The following SEMA4D variants were observed in gnomAD, a reference collection of about 807,000 sequenced individuals.
SEMA4D encodes semaphorin-4D.
In SEMA4D, 22 loss-of-function variants were observed where a neutral mutation model predicts 74.8. The observed-to-expected ratio is 0.29, with a 90% CI of 0.21 to 0.42. The LOEUF is 0.42. Ranked by LOEUF, SEMA4D falls within the 10% of genes least tolerant of loss-of-function variation. The pLI, the probability that SEMA4D is intolerant of heterozygous loss-of-function variation, is 1.00. For synonymous variants in SEMA4D, 445 were observed against 463.7 expected, an observed-to-expected ratio of 0.96 and a Z score of 0.52; for missense variants, 937 against 1,118.4, an observed-to-expected ratio of 0.84 and a Z score of 2.31.
intron 2 of SEMA4D, among the ~76,000 whole-genome samples, chr9:89,441,146 ACATTG>A (rs1448237267): frequency 6.6e-6 from 1 of 152,244 alleles, no homozygotes; most frequent in African/African-American, 2.4e-5. Context: ...GTCTTATTAC[ACATTG>A]TAAACATGTC....
At chr9:89,474,222 C>T (rs1468810740) in intron 1 of SEMA4D, among the ~76,000 whole-genome samples, 2 of 152,208 alleles carry the variant, frequency 1.3e-5, no homozygotes, top group Non-Finnish European at 2.9e-5. Flanking sequence ...ACACCTGGCA[C>T]CAATAAACCC....
chr9:89,454,102 C>T (rs1855341001), intron 2 of SEMA4D, among the ~76,000 whole-genome samples: 1 of 152,160 alleles, frequency 6.6e-6, no homozygotes, highest in South Asian at 2.1e-4. Context: ...ACTTAATCTT[C>T]AGTATGTCCT....
At chr9:89,412,424 AT>A (rs1369206545) in intron 2 of SEMA4D, among the ~76,000 whole-genome samples, 1 of 152,206 alleles carries the variant, frequency 6.6e-6, no homozygotes, top group Non-Finnish European at 1.5e-5. Context: ...GTGGCTTTAA[AT>A]GGTTACGAAG....
rs1364520778 is a variant in SEMA4D at position 89,484,526 on chromosome 9, T to A, written c.-310+13393A>T. Among the ~76,000 whole-genome samples the A allele has an allele frequency of 6.7e-6, 1 of 150,366 alleles. No homozygotes were observed. The highest frequency in any genetic ancestry group is 2.0e-4 in the East Asian group (1 of 5,050). Reference sequence around the variant, plus strand: ...GTTTGTGTAGTGTGTGTGGTGTGTATGGACTGGGTGTGTGGGGTGGGGAGG... The same window carrying A: ...GTTTGTGTAGTGTGTGTGGTGTGTAAGGACTGGGTGTGTGGGGTGGGGAGG... On this transcript the variant is annotated intron_variant, in intron 1 of 15. Transcript: ENST00000422704. This position sits in a 1 kb window ranked among gnomAD's most constrained non-coding sequence, Gnocchi z 4.1.
chr9:89,392,244 C>T (rs570524686), intron 8 of SEMA4D, among the ~76,000 whole-genome samples, 179 bp downstream of exon 8: 1 of 152,238 alleles, frequency 6.6e-6, no homozygotes, highest in African/African-American at 2.4e-5. Flanking sequence ...GTGAAAACAC[C>T]CAACAAGGTG....
chr9:89,456,532 A>G (rs1437975437), intron 1 of SEMA4D, among the ~76,000 whole-genome samples: 1 of 152,242 alleles, frequency 6.6e-6, no homozygotes, highest in African/African-American at 2.4e-5. Flanking sequence ...AGGGGAGGAG[A>G]AGGAGGGCAA....
chr9:89,473,666 G>A (rs1466672879), intron 1 of SEMA4D, among the ~76,000 whole-genome samples: 1 of 152,086 alleles, frequency 6.6e-6, no homozygotes, highest in African/African-American at 2.4e-5. Context: ...AAACCAGCCT[G>A]CCCAACATGG....
intron 1 of SEMA4D, among the ~76,000 whole-genome samples, chr9:89,468,511 C>T (rs184809662): frequency 6.6e-6 from 1 of 152,250 alleles, no homozygotes; most frequent in Admixed American, 6.5e-5. Context: ...AAAGCAATCT[C>T]TGCTTAAACA....
At position 89,363,376 on chromosome 9, in the gene SEMA4D, G is replaced by A; in HGVS notation, c.2190+54C>T. 16 of 1,598,852 alleles carry A rather than the reference G, an allele frequency of 1.0e-5. No homozygotes were observed. In the South Asian group the frequency reaches 1.5e-4, roughly 15 times the overall value. On this transcript the variant is annotated intron_variant, in intron 18 of 18. Transcript: ENST00000339861. ...TTGAAAGATCCACTGGATGTGGCAGGTGCCCTGCCCCTGGCTCCAGCCCTC... is the reference window on the plus strand; with the variant it reads ...TTGAAAGATCCACTGGATGTGGCAGATGCCCTGCCCCTGGCTCCAGCCCTC...
intron 2 of SEMA4D, among the ~76,000 whole-genome samples, chr9:89,445,923 A>T (rs112124089): frequency 6.6e-5 from 10 of 152,086 alleles, no homozygotes; most frequent in Non-Finnish European, 1.5e-4. Flanking sequence ...TGGAGGTGCC[A>T]TGCAGGACAA....
intron 1 of SEMA4D, among the ~76,000 whole-genome samples, chr9:89,469,815 G>A (rs1449181957): frequency 6.6e-6 from 1 of 152,214 alleles, no homozygotes; most frequent in African/African-American, 2.4e-5. Context: ...ATTTCATGGT[G>A]GCAGACAGAT....
At chr9:89,402,775 C>A in intron 4 of SEMA4D, 96 bp downstream of exon 4, 1 of 1,367,660 alleles carries the variant, frequency 7.3e-7, no homozygotes, top group Admixed American at 1.8e-5. Flanking sequence ...AGAATGGAGG[C>A]TCCAGGTAAG....
chr9:89,413,369 C>A (rs1054576267), intron 2 of SEMA4D, among the ~76,000 whole-genome samples: 11 of 152,238 alleles, frequency 7.2e-5, no homozygotes, highest in African/African-American at 2.4e-4. Context: ...GGCAGGAGAT[C>A]ACAGCAGAGA....
intron 13 of SEMA4D, chr9:89,385,370 C>T (rs1838210453): frequency 1.0e-6 from 1 of 985,406 alleles, no homozygotes; most frequent in Non-Finnish European, 1.2e-6. Context: ...GGCCACTGAA[C>T]AGCACGATGG....
intron 1 of SEMA4D, among the ~76,000 whole-genome samples, chr9:89,494,903 G>C (rs1322856672): frequency 6.6e-6 from 1 of 152,128 alleles, no homozygotes; most frequent in Non-Finnish European, 1.5e-5. Flanking sequence ...CTGTGATTAA[G>C]GAATTCCTTA....
downstream of SEMA4D, chr9:89,376,849 G>A: frequency 6.5e-7 from 1 of 1,549,220 alleles, no homozygotes; most frequent in Non-Finnish European, 8.7e-7. Flanking sequence ...CCTGGCAGAA[G>A]AGGTAGAAGT....
intron 1 of SEMA4D, among the ~76,000 whole-genome samples, chr9:89,478,022 AG>A (rs1188159655): frequency 3.3e-5 from 5 of 152,298 alleles, no homozygotes; most frequent in African/African-American, 1.2e-4. Context: ...CTTCCCACAA[AG>A]GCAAAAAGCA....
chr9:89,462,474 G>T (rs1857479598), intron 1 of SEMA4D, among the ~76,000 whole-genome samples: 1 of 152,208 alleles, frequency 6.6e-6, no homozygotes, highest in Non-Finnish European at 1.5e-5. Context: ...ATAAAATGTG[G>T]AAATGTTTTT....
At position 89,388,697 on chromosome 9, in the gene SEMA4D, T is replaced by C; in HGVS notation, c.1046A>G (p.Glu349Gly). ...HGKYMQSTTV[E>G]QSHTKWVRYN... ...GCGCACCCACTTGGTGTGGGACTGC[T>C]CCACTGTGGTGCTCTGCATGTACTT... The change falls in exon 11 of 16, where the codon GAG (glutamate) becomes GGG (glycine). Residue 349 changes from glutamate to glycine, a missense_variant. By Grantham distance (98) the Glu-to-Gly change is moderately conservative. Transcript: ENST00000422704. The C allele has an allele frequency of 6.2e-7, 1 of 1,609,752 alleles. No homozygotes were observed. The highest frequency in any genetic ancestry group is 8.5e-7 in the Non-Finnish European group (1 of 1,179,302).
Sources: allele counts gnomAD v4.1 joint callset (sites outside exome capture counted in the v4.1 genomes callset), GRCh38; gene constraint gnomAD v4.1.1; non-coding constraint Gnocchi (gnomAD v3.1); transcripts MANE v1.5; gene names NCBI Gene and HGNC (gene_info 2026-07-23, HGNC 2026-07-21).